TRPM3: variants seen among roughly 807,000 people sequenced by gnomAD.
TRPM3 encodes the protein long transient receptor potential channel 3.
TRPM3 carries 77 observed loss-of-function variants against 181.2 expected under a neutral mutation model. The observed-to-expected ratio is 0.42, with a 90% CI of 0.35 to 0.51. The LOEUF (loss-of-function observed/expected upper bound fraction) is 0.51, where lower values mean the gene tolerates loss of function less well. TRPM3 is among the 20% of genes least tolerant of loss of function. The pLI is 0.01. For missense variants in TRPM3, 1,759 were observed against 2,196.7 expected (o/e 0.80, Z 3.98); for synonymous variants, 745 against 796.4 (o/e 0.94, Z 1.09).
intron 1 of TRPM3, among the ~76,000 whole-genome samples, chr9:71,316,856 C>T (rs2088643363): frequency 6.6e-6 from 1 of 152,154 alleles, no homozygotes; most frequent in South Asian, 2.1e-4. Context: ...AAGAATTAAT[C>T]TCATCGTAAA....
At chr9:71,365,774 C>T (rs981259014) in intron 1 of TRPM3, among the ~76,000 whole-genome samples, 55 of 152,236 alleles carry the variant, frequency 3.6e-4, no homozygotes, top group African/African-American at 1.3e-3. Context: ...AGCCTCACTT[C>T]ACTCAACAAA....
chr9:70,682,821 C>T (rs1205520706), intron 8 of TRPM3, among the ~76,000 whole-genome samples: 1 of 152,098 alleles, frequency 6.6e-6, no homozygotes, highest in South Asian at 2.1e-4. Flanking sequence ...TTTCATGCCT[C>T]GAGCTTATCT....
intron 1 of TRPM3, among the ~76,000 whole-genome samples, chr9:70,886,029 T>C (rs969841712): frequency 6.6e-6 from 1 of 152,226 alleles, no homozygotes; most frequent in Non-Finnish European, 1.5e-5. Context: ...TAAAATTAAA[T>C]GTGAATGTTA....
At position 70,800,760 on chromosome 9, in the gene TRPM3, G is replaced by T. The variant is rs7852256; in HGVS notation, c.974-16481C>A. 2.3e-3 allele frequency among the ~76,000 whole-genome samples: 343 copies of T among 152,096 alleles called. 3 individuals carry two copies. Among genetic ancestry groups the T allele is most frequent in the African/African-American group, 7.8e-3 (324 of 41,484 alleles). ...TATACAAAATATGTGTTAATTGGTG[G>T]TTTATGTTATAGATAAGACTTCTGA... On this transcript the variant is annotated intron_variant, in intron 6 of 25. Transcript: ENST00000677713.
chr9:70,566,217 G>A (rs1418044960), intron 22 of TRPM3, among the ~76,000 whole-genome samples: 1 of 152,170 alleles, frequency 6.6e-6, no homozygotes, highest in Admixed American at 6.5e-5. Flanking sequence ...CAGGTGTGAT[G>A]CGGGAAGCCC....
intron 1 of TRPM3, among the ~76,000 whole-genome samples, chr9:71,245,350 A>T (rs184199285): frequency 2.6e-4 from 39 of 151,696 alleles, no homozygotes; most frequent in African/African-American, 9.2e-4. Context: ...AGGCTGAGAC[A>T]GGAGAATAGC....
chr9:71,031,991 A>AGAT (rs1565021838), intron 1 of TRPM3, among the ~76,000 whole-genome samples: 1 of 1,494 alleles, frequency 6.7e-4, no homozygotes, highest in South Asian at 0.045. Context: ...TATATATTAT[A>AGAT]TATATATAAT....
chr9:71,362,333 A>G (rs1262616092), intron 1 of TRPM3, among the ~76,000 whole-genome samples: 1 of 152,208 alleles, frequency 6.6e-6, no homozygotes, highest in Non-Finnish European at 1.5e-5. Flanking sequence ...AAGGATACTG[A>G]CCTCAGAAAC....
chr9:70,884,579 G>A (rs1198259787), intron 1 of TRPM3, among the ~76,000 whole-genome samples: 2 of 152,146 alleles, frequency 1.3e-5, no homozygotes, highest in South Asian at 2.1e-4. Flanking sequence ...AAATAACTCC[G>A]AACAGTCTAC....
chr9:70,838,490 GCCC>G (rs1162232055), intron 5 of TRPM3, among the ~76,000 whole-genome samples: 1 of 152,126 alleles, frequency 6.6e-6, no homozygotes, highest in Non-Finnish European at 1.5e-5. Context: ...TTGTTTATAA[GCCC>G]CCTGGTCTGT....
chr9:71,014,832 T>C (rs1013630132), intron 1 of TRPM3, among the ~76,000 whole-genome samples: 5 of 152,140 alleles, frequency 3.3e-5, no homozygotes, highest in African/African-American at 1.2e-4. Flanking sequence ...TCATTTACAT[T>C]TATGGGGATA....
At chr9:70,813,446 T>A (rs949914998) in intron 6 of TRPM3, among the ~76,000 whole-genome samples, 1 of 152,126 alleles carries the variant, frequency 6.6e-6, no homozygotes, top group South Asian at 2.1e-4. Context: ...AAATTCTCAC[T>A]TATAAGTGGG....
At chr9:71,119,634 T>C (rs924263234) in intron 1 of TRPM3, among the ~76,000 whole-genome samples, 5 of 152,208 alleles carry the variant, frequency 3.3e-5, no homozygotes, top group Non-Finnish European at 7.3e-5. Flanking sequence ...GGGTTAAAGC[T>C]GATACATGAC....
At position 70,738,002 on chromosome 9, in the gene TRPM3, C is replaced by T. The variant is rs142565633; in HGVS notation, c.1272+23599G>A. On this transcript the variant is annotated intron_variant, in intron 8 of 25. Coordinates refer to ENST00000677713, the MANE Select transcript of TRPM3 (RefSeq NM_001366145.2). ...GCAACAAAGAAACGATGGATTTAAA[C>T]TATGTCTTAGAACAAATGGACTTAA... Among the ~76,000 whole-genome samples, 7 of 152,274 alleles carry T rather than the reference C, an allele frequency of 4.6e-5. No homozygotes were observed. In the East Asian group the frequency reaches 1.4e-3, roughly 29 times the overall value.
At chr9:71,039,380 G>A (rs2058571281) in intron 1 of TRPM3, among the ~76,000 whole-genome samples, 1 of 152,130 alleles carries the variant, frequency 6.6e-6, no homozygotes, top group South Asian at 2.1e-4. Context: ...CCAATAAGCA[G>A]GTTAAAAGGT....
At chr9:71,296,867 T>C (rs2086307763) in intron 1 of TRPM3, among the ~76,000 whole-genome samples, 1 of 152,150 alleles carries the variant, frequency 6.6e-6, no homozygotes, top group Admixed American at 6.5e-5. Flanking sequence ...CTCATAAGTT[T>C]TGGGCATCTA....
chr9:71,425,893 T>C (rs555767901), intron 1 of TRPM3, among the ~76,000 whole-genome samples: 1 of 152,244 alleles, frequency 6.6e-6, no homozygotes, highest in African/African-American at 2.4e-5. Context: ...GCCAAGTTCT[T>C]TACTGTTGAA....
At position 70,536,564 on chromosome 9, in the gene TRPM3, G is replaced by T; in HGVS notation, c.4549C>A (p.Leu1517Ile). 6.2e-7 allele frequency: 1 copy of T among 1,614,168 alleles called. No homozygotes were observed. Residue 1517 changes from leucine to isoleucine, a missense_variant, in exon 26 of 26, where the codon CTA becomes ATA. Coordinates refer to ENST00000677713, the MANE Select transcript of TRPM3 (RefSeq NM_001366145.2). Reference sequence around the variant, plus strand: ...TCTAGAAGAAAGGGTGTGGTGGCTAGGTAGCGGCTACTTTTGGAACGCTCA... The same window carrying T: ...TCTAGAAGAAAGGGTGTGGTGGCTATGTAGCGGCTACTTTTGGAACGCTCA... ...TIERSKSSRY[L>I]ATTPFLLEEA...
At chr9:70,856,090 T>A (rs1356364762) in intron 3 of TRPM3, among the ~76,000 whole-genome samples, 1 of 152,176 alleles carries the variant, frequency 6.6e-6, no homozygotes, top group Non-Finnish European at 1.5e-5. Context: ...AGTAAGCATA[T>A]AAACTAGTCA....
Sources: allele counts gnomAD v4.1 joint callset (sites outside exome capture counted in the v4.1 genomes callset), GRCh38; gene constraint gnomAD v4.1.1; transcripts MANE v1.5; gene names NCBI Gene and HGNC (gene_info 2026-07-23, HGNC 2026-07-21).